The following STT3B variants were observed in gnomAD, a reference collection of about 807,000 sequenced individuals.
STT3B encodes STT3 oligosaccharyltransferase complex catalytic subunit B.
A neutral mutation model predicts 96.8 loss-of-function variants in STT3B; 29 were observed. The ratio of observed to expected loss-of-function variants is 0.30; its 90% CI spans 0.22 to 0.41. STT3B has a LOEUF of 0.41. Among genes scored for constraint, STT3B ranks in the 10% least tolerant of loss-of-function variants. The pLI, the probability that STT3B is intolerant of heterozygous loss-of-function variation, is 1.00. For missense variants in STT3B, 640 were observed against 1,022.3 expected, an observed-to-expected ratio of 0.63 and a Z score of 5.10; for synonymous variants, 367 against 360.0, an observed-to-expected ratio of 1.02 and a Z score of -0.22.
At position 31,616,933 on chromosome 3, in the gene STT3B, C is replaced by G; in HGVS notation, c.981C>G (p.Val327=). 6.2e-7 allele frequency: 1 copy of G among 1,602,960 alleles called. No individual in the cohort carries two copies. Among genetic ancestry groups the G allele is most frequent in the Non-Finnish European group, 8.5e-7 (1 of 1,172,756 alleles). ...RTSEHMAAAG[V]FALLQAYAFL... ...GTGACCCTTTTCTTTAATTAGGTGT[C>G]TTTGCATTGCTGCAAGCTTATGCTT... Residue 327 remains valine (V), a synonymous_variant, in exon 7 of 16, where the codon GTC becomes GTG. Coordinates refer to ENST00000295770, the MANE Select transcript of STT3B (RefSeq NM_178862.3).
chr3:31,556,761 G>A (rs1697722426), intron 1 of STT3B, among the ~76,000 whole-genome samples: 1 of 152,096 alleles, frequency 6.6e-6, no homozygotes, highest in African/African-American at 2.4e-5. Flanking sequence ...TTACTGTTGT[G>A]TGAGTTCTTT....
chr3:31,573,616 TTTG>T (rs1350291863), intron 1 of STT3B, among the ~76,000 whole-genome samples: 1 of 152,098 alleles, frequency 6.6e-6, no homozygotes, highest in African/African-American at 2.4e-5. Flanking sequence ...AGTGCATATG[TTTG>T]TTTTGGGAGT....
chr3:31,535,672 G>C (rs1041106526), intron 1 of STT3B, among the ~76,000 whole-genome samples: 1 of 152,108 alleles, frequency 6.6e-6, no homozygotes, highest in East Asian at 1.9e-4. Context: ...GCAGTGAGCC[G>C]AGATCGCGCC....
intron 14 of STT3B, among the ~76,000 whole-genome samples, chr3:31,632,062 C>A (rs1699674091): frequency 2.0e-5 from 3 of 151,418 alleles, no homozygotes. Context: ...TGCTATGTTG[C>A]CCAGGCTGGT....
In STT3B at chr3:31,623,632, C is replaced by A; in HGVS notation, c.1540-42C>A. The A allele has an allele frequency of 2.0e-6, 3 of 1,471,896 alleles. No individual in the cohort carries two copies. The South Asian group carries it at 4.0e-5, about 20-fold the overall frequency. 91.2% of individuals were successfully genotyped at this position (1,471,896 alleles called of 1,614,324 possible). A position where few individuals can be genotyped will look rare whatever the true frequency, so the allele number is the denominator to read the frequency against. ...CATTGAGTATCTTAATGAAGCAAGT[C>A]AAATAATGAATTTGTCTAACCAATT... On this transcript the variant is annotated intron_variant, in intron 10 of 15. Coordinates refer to ENST00000295770, the MANE Select transcript of STT3B (RefSeq NM_178862.3).
chr3:31,610,008 A>C (rs181928465), intron 5 of STT3B, among the ~76,000 whole-genome samples: 167 of 152,356 alleles, frequency 1.1e-3, no homozygotes, highest in African/African-American at 3.8e-3. Context: ...TATAATGAGC[A>C]TTGTCCTTGG....
chr3:31,628,581 C>T (rs1006038046), intron 13 of STT3B, among the ~76,000 whole-genome samples: 7 of 152,026 alleles, frequency 4.6e-5, no homozygotes, highest in East Asian at 1.9e-4. Flanking sequence ...ACATTTTTTA[C>T]CTAGAGTGCC....
chr3:31,560,983 A>G (rs12488278), intron 1 of STT3B, among the ~76,000 whole-genome samples: 28,775 of 151,984 alleles, frequency 0.19, 3,370 homozygotes, highest in Admixed American at 0.39. Context: ...TTATTTCAAA[A>G]GACTTGTCTA....
intron 13 of STT3B, among the ~76,000 whole-genome samples, chr3:31,628,498 T>C (rs1699583345): frequency 6.6e-6 from 1 of 152,212 alleles, no homozygotes; most frequent in South Asian, 2.1e-4. Flanking sequence ...ACTTTCTGCA[T>C]TCATTATTTT....
At chr3:31,598,166 A>G (rs1698836838) in intron 4 of STT3B, among the ~76,000 whole-genome samples, 3 of 152,108 alleles carry the variant, frequency 2.0e-5, no homozygotes, top group African/African-American at 7.2e-5. Flanking sequence ...AGCTCTGACA[A>G]GTAAAATATT....
At chr3:31,544,393 A>T (rs1697351274) in intron 1 of STT3B, among the ~76,000 whole-genome samples, 1 of 152,222 alleles carries the variant, frequency 6.6e-6, no homozygotes, top group South Asian at 2.1e-4. Context: ...GGATCATTGA[A>T]TATTGTAGAT....
At chr3:31,618,119 A>T (rs1022728652) in intron 8 of STT3B, 131 bp downstream of exon 8, 3 of 698,348 alleles carry the variant, frequency 4.3e-6, no homozygotes, top group Non-Finnish European at 7.7e-6. Context: ...TAGTTTAGTA[A>T]ATGTTAAATT....
At position 31,623,749 on chromosome 3, in the gene STT3B, G is replaced by A; in HGVS notation, c.1615G>A (p.Val539Ile). The change falls in exon 11 of 16, where the codon GTC becomes ATC. Residue 539 changes from valine (V) to isoleucine (I), a missense_variant. Coordinates refer to ENST00000295770, the MANE Select transcript of STT3B (RefSeq NM_178862.3). ...EGLGPNIKSI[V>I]TMLMLMLLMM... Reference sequence around the variant, plus strand: ...ATTAGGCCCTAATATAAAAAGCATTGTCACCATGTTGATGCTGATGCTATT... The same window carrying A: ...ATTAGGCCCTAATATAAAAAGCATTATCACCATGTTGATGCTGATGCTATT... 3 of 1,614,016 alleles carry A rather than the reference G, an allele frequency of 1.9e-6. No homozygotes were observed. The highest frequency in any genetic ancestry group is 2.5e-6 in the Non-Finnish European group (3 of 1,179,942).
chr3:31,536,338 C>T (rs1284619252), intron 1 of STT3B, among the ~76,000 whole-genome samples: 11 of 152,180 alleles, frequency 7.2e-5, no homozygotes, highest in African/African-American at 2.7e-4. Flanking sequence ...ACCATCATAT[C>T]ATATAGCAAT....
intron 5 of STT3B, among the ~76,000 whole-genome samples, chr3:31,604,254 T>C (rs531046654): frequency 5.9e-5 from 9 of 152,182 alleles, no homozygotes; most frequent in Non-Finnish European, 1.0e-4. Context: ...TTTAGTTCTG[T>C]ACAAATTATT....
At chr3:31,563,636 T>C (rs2125445770) in intron 1 of STT3B, among the ~76,000 whole-genome samples, 1 of 152,316 alleles carries the variant, frequency 6.6e-6, no homozygotes, top group South Asian at 2.1e-4. Flanking sequence ...ATTAGGGCCC[T>C]GCAAAGATCT....
intron 1 of STT3B, among the ~76,000 whole-genome samples, chr3:31,561,358 G>A (rs1697873076): frequency 6.6e-6 from 1 of 151,858 alleles, no homozygotes; most frequent in Non-Finnish European, 1.5e-5. Flanking sequence ...GACTTACAAT[G>A]TGAAATAAGC....
intron 1 of STT3B, among the ~76,000 whole-genome samples, chr3:31,556,544 C>T (rs1195271334): frequency 6.6e-6 from 1 of 152,200 alleles, no homozygotes; most frequent in Non-Finnish European, 1.5e-5. Context: ...GTTTTCTCTG[C>T]ACCCTTGTCA....
chr3:31,536,360 T>G (rs1697098897), intron 1 of STT3B, among the ~76,000 whole-genome samples: 1 of 152,186 alleles, frequency 6.6e-6, no homozygotes, highest in Non-Finnish European at 1.5e-5. Context: ...GCACAGACCT[T>G]TAATAATATT....
Sources: allele counts gnomAD v4.1 joint callset (sites outside exome capture counted in the v4.1 genomes callset), GRCh38; gene constraint gnomAD v4.1.1; transcripts MANE v1.5; gene names NCBI Gene and HGNC (gene_info 2026-07-23, HGNC 2026-07-21).